Variants in AVEN observed in about 807,000 individuals in gnomAD.
AVEN encodes the protein cell death regulator Aven.
A neutral mutation model predicts 38.1 loss-of-function variants in AVEN; 41 were observed. The ratio of observed to expected loss-of-function variants is 1.08; its 90% CI spans 0.84 to 1.40. AVEN has a LOEUF of 1.40. Ranked by LOEUF, AVEN falls within the 40% of genes most tolerant of loss-of-function variation. AVEN has a pLI of 0.00. For missense variants in AVEN, 605 were observed against 438.8 expected, an observed-to-expected ratio of 1.38 and a Z score of -3.38; for synonymous variants, 206 against 171.8, an observed-to-expected ratio of 1.20 and a Z score of -1.56.
chr15:33,856,700 C>G (rs1032627295), downstream of AVEN: 2 of 155,596 alleles, frequency 1.3e-5, no homozygotes, highest in Admixed American at 6.5e-5. Context: ...CACTCTGCCA[C>G]AAGGCTGAAG....
At chr15:33,945,097 G>A (rs1227243915) in intron 2 of AVEN, among the ~76,000 whole-genome samples, 1 of 152,182 alleles carries the variant, frequency 6.6e-6, no homozygotes, top group East Asian at 1.9e-4. Context: ...ACACAGAGCT[G>A]TTCCCTGAAT....
chr15:33,870,899 A>C, intron 4 of AVEN, 36 bp downstream of exon 4: 1 of 1,526,562 alleles, frequency 6.6e-7, no homozygotes, highest in African/African-American at 1.4e-5. Flanking sequence ...CTCCTGCCCT[A>C]ATCCACCCGC....
intron 5 of AVEN, among the ~76,000 whole-genome samples, chr15:34,060,210 G>A (rs945748265): frequency 2.0e-5 from 3 of 152,126 alleles, no homozygotes; most frequent in Non-Finnish European, 4.4e-5. Context: ...TAACACCGAG[G>A]TATTATAGGT....
intron 5 of AVEN, among the ~76,000 whole-genome samples, chr15:34,047,938 G>C (rs954304629): frequency 3.9e-5 from 6 of 152,052 alleles, no homozygotes; most frequent in African/African-American, 1.5e-4. Flanking sequence ...ATCAAAGGGT[G>C]CACGGGAGAA....
At chr15:34,025,537 C>T (rs1186065679) in intron 1 of AVEN, among the ~76,000 whole-genome samples, 3 of 152,036 alleles carry the variant, frequency 2.0e-5, no homozygotes, top group East Asian at 3.9e-4. Context: ...TAATAAAGGA[C>T]GTTATTGGGT....
chr15:33,907,252 G>A (rs533029726), intron 2 of AVEN, among the ~76,000 whole-genome samples: 1 of 152,228 alleles, frequency 6.6e-6, no homozygotes, highest in East Asian at 1.9e-4. Flanking sequence ...TTACAGCCGA[G>A]ACCTCAAATG....
chr15:33,981,218 T>C (rs1234355801), intron 2 of AVEN, among the ~76,000 whole-genome samples: 1 of 152,220 alleles, frequency 6.6e-6, no homozygotes, highest in African/African-American at 2.4e-5. Context: ...CTAAAAAATA[T>C]GAAGCGGATG....
At chr15:33,951,578 T>C (rs1422655111) in intron 2 of AVEN, among the ~76,000 whole-genome samples, 4 of 149,814 alleles carry the variant, frequency 2.7e-5, no homozygotes, top group Non-Finnish European at 5.9e-5. Context: ...AAAAAAAAGA[T>C]GCAATTTGCC....
intron 1 of AVEN, among the ~76,000 whole-genome samples, chr15:34,025,841 A>T (rs1898444408): frequency 1.3e-5 from 2 of 152,236 alleles, no homozygotes; most frequent in African/African-American, 4.8e-5. Context: ...GTCCAAACTC[A>T]AGTGATCATC....
chr15:33,859,666 A>G, intron 11 of AVEN: 1 of 1,613,964 alleles, frequency 6.2e-7, no homozygotes, highest in Non-Finnish European at 8.5e-7. Flanking sequence ...TATGAAATGT[A>G]TCGCATTGTC....
intron 2 of AVEN, among the ~76,000 whole-genome samples, chr15:33,975,202 G>A (rs652699): frequency 0.97 from 148,252 of 152,252 alleles, 72,250 homozygotes; most frequent in Non-Finnish European, 1. Flanking sequence ...TCTAAGATAT[G>A]TTTGTTGTAA....
chr15:33,900,697 C>T (rs1294804685), intron 2 of AVEN, among the ~76,000 whole-genome samples: 2 of 151,842 alleles, frequency 1.3e-5, no homozygotes, highest in African/African-American at 4.8e-5. Flanking sequence ...TATTTTCAAC[C>T]ATACAATAAT....
At chr15:33,918,695 T>C (rs1289282033) in intron 2 of AVEN, among the ~76,000 whole-genome samples, 1 of 151,808 alleles carries the variant, frequency 6.6e-6, no homozygotes, top group Admixed American at 6.6e-5. Flanking sequence ...CTTCAGGTGA[T>C]CTGCCCGCCT....
At chr15:33,963,383 G>T (rs970022145) in intron 2 of AVEN, among the ~76,000 whole-genome samples, 4 of 152,128 alleles carry the variant, frequency 2.6e-5, no homozygotes, top group African/African-American at 9.7e-5. Flanking sequence ...GGAAATGGAA[G>T]GTCTAAAATC....
At chr15:34,037,961 A>G (rs2702275) in intron 1 of AVEN, among the ~76,000 whole-genome samples, 151,106 of 152,284 alleles carry the variant, frequency 0.99, 74,980 homozygotes, top group Middle Eastern at 1. Flanking sequence ...TAACAGAACA[A>G]CTCATAAAAA....
intron 2 of AVEN, among the ~76,000 whole-genome samples, chr15:33,882,082 A>T (rs1280561194): frequency 6.6e-6 from 1 of 151,904 alleles, no homozygotes; most frequent in Non-Finnish European, 1.5e-5. Flanking sequence ...TCAAGTAAAG[A>T]CAACTGTCTG....
At chr15:34,011,491 C>G (rs1475801050) in intron 1 of AVEN, among the ~76,000 whole-genome samples, 1 of 152,044 alleles carries the variant, frequency 6.6e-6, no homozygotes, top group Non-Finnish European at 1.5e-5. Context: ...AATTGGGCTC[C>G]AAAATACTGT....
downstream of AVEN, chr15:33,865,350 A>AC: frequency 1.5e-6 from 1 of 685,488 alleles, no homozygotes; most frequent in Non-Finnish European, 2.4e-6. Flanking sequence ...TAAAAAAAAA[A>AC]CTGCTGAAAA....
intron 2 of AVEN, among the ~76,000 whole-genome samples, chr15:33,931,101 T>C (rs1436895595): frequency 6.6e-6 from 1 of 152,100 alleles, no homozygotes; most frequent in African/African-American, 2.4e-5. Flanking sequence ...TTTTCTTTTG[T>C]CTTTTAGAAT....
Sources: gnomAD v4.1 joint callset for allele counts (sites outside exome capture counted in the v4.1 genomes callset) on GRCh38, gnomAD v4.1.1 for gene constraint, MANE v1.5 for transcripts, NCBI Gene and HGNC (gene_info 2026-07-23, HGNC 2026-07-21) for gene names.